STEAP2: variants seen among roughly 807,000 people sequenced by gnomAD.
The protein encoded by STEAP2 is metalloreductase STEAP2.
STEAP2 carries 30 observed loss-of-function variants against 46.4 expected under a neutral mutation model. The ratio of observed to expected loss-of-function variants is 0.65; its 90% confidence interval spans 0.48 to 0.88. The LOEUF is 0.88. Ranked by LOEUF, STEAP2 falls within the 40% of genes least tolerant of loss-of-function variation. STEAP2 has a pLI of 0.00. For synonymous variants in STEAP2, 180 were observed against 200.5 expected (o/e 0.90, Z 0.86); for missense variants, 513 against 579.3 (o/e 0.89, Z 1.18).
rs867555440 is a variant in STEAP2, at chr7:90,211,906, G to C, written c.-286G>C. 1 of 152,332 alleles carries C rather than the reference G, an allele frequency of 6.6e-6. No homozygotes were observed. Among genetic ancestry groups the C allele is most frequent in the Non-Finnish European group, 1.5e-5 (1 of 68,152 alleles). 9.4% of individuals were successfully genotyped at this position (152,332 alleles called of 1,614,324 possible). ...GAAGCAGCTGGAGTGCGACCGCCGC[G>C]GCAGCCACCCTGCAACCGCCAGTCG... On this transcript the variant is annotated 5_prime_UTR_variant, in exon 1 of 6. Coordinates refer to ENST00000394621, the MANE Select transcript of STEAP2 (RefSeq NM_001244944.2).
intron 2 of STEAP2, among the ~76,000 whole-genome samples, chr7:90,224,582 T>C (rs1177739619): frequency 6.6e-6 from 1 of 152,180 alleles, no homozygotes; most frequent in Non-Finnish European, 1.5e-5. Flanking sequence ...TTCTTTCCCA[T>C]GCAAAGCCAA....
At chr7:90,230,220 A>G (rs1795682290) in intron 5 of STEAP2, among the ~76,000 whole-genome samples, 184 bp downstream of exon 5, 1 of 152,024 alleles carries the variant, frequency 6.6e-6, no homozygotes, top group Non-Finnish European at 1.5e-5. Flanking sequence ...ACCAGTCAGT[A>G]TATGATTGTA....
At chr7:90,222,579 T>G (rs1334661330) in intron 2 of STEAP2, among the ~76,000 whole-genome samples, 1 of 152,162 alleles carries the variant, frequency 6.6e-6, no homozygotes, top group Non-Finnish European at 1.5e-5. Flanking sequence ...AGGTCTCAGT[T>G]TCCTCATCTA....
chr7:90,231,151 CATA>C (rs1219104373), intron 5 of STEAP2, among the ~76,000 whole-genome samples: 2 of 151,782 alleles, frequency 1.3e-5, no homozygotes, highest in South Asian at 2.1e-4. Flanking sequence ...CACTCTTAAA[CATA>C]ATAATTTAGC....
In STEAP2 at chr7:90,214,856, G is replaced by A. The variant is rs557354606; in HGVS notation, c.-146-1635G>A. On this transcript the variant is annotated intron_variant, in intron 1 of 5. Transcript: ENST00000394621. ...TTCAGGCAGTGAGTGACTGAGGTGG[G>A]GTAGAGGCAAAAATTCATTGTCTCC... is the stretch of plus-strand genomic sequence containing the variant. Among the ~76,000 whole-genome samples the A allele has an allele frequency of 3.9e-5, 6 of 152,208 alleles. No individual in the cohort carries two copies. The South Asian group carries it at 1.2e-3, about 32-fold the overall frequency.
intron 2 of STEAP2, among the ~76,000 whole-genome samples, chr7:90,217,166 A>C (rs148707841): frequency 2.6e-5 from 4 of 152,240 alleles, no homozygotes; most frequent in African/African-American, 9.6e-5. Flanking sequence ...TGGGGTACAC[A>C]TGAGTATTTG....
chr7:90,215,680 T>C (rs1228146766), intron 1 of STEAP2: 2 of 152,216 alleles, frequency 1.3e-5, no homozygotes, highest in Non-Finnish European at 2.9e-5. Context: ...ACAAAGGAAA[T>C]TGAGACTCAG....
At chr7:90,224,902 T>G in intron 2 of STEAP2, 148 bp from the exon 3 acceptor site, 2 of 630,872 alleles carry the variant, frequency 3.2e-6, no homozygotes, top group South Asian at 5.9e-5. Context: ...GTGATCCTTT[T>G]TTAGCTTACA....
intron 4 of STEAP2, among the ~76,000 whole-genome samples, chr7:90,228,984 T>A (rs1450218226): frequency 6.6e-6 from 1 of 152,216 alleles, no homozygotes; most frequent in African/African-American, 2.4e-5. Context: ...ATTTCAAGTA[T>A]GTTTTGTTAA....
At position 90,230,056 on chromosome 7, in the gene STEAP2, G is replaced by T; in HGVS notation, c.1185+20G>T. 6.2e-7 allele frequency: 1 copy of T among 1,608,470 alleles called. No individual in the cohort carries two copies. Among genetic ancestry groups the T allele is most frequent in the Middle Eastern group, 1.7e-4 (1 of 6,020 alleles). On this transcript the variant is annotated intron_variant, in intron 5 of 5. Transcript: ENST00000394621. ...ATTCAGGTATGTGGGGTTTTGTTTG[G>T]TGAAGGATTGTGCAGGATAGGATTT...
chr7:90,229,958 C>T lies in STEAP2; in HGVS notation c.1107C>T (p.Gly369=). The T allele has an allele frequency of 6.2e-7, 1 of 1,613,630 alleles. No individual in the cohort carries two copies. Among genetic ancestry groups the T allele is most frequent in the Non-Finnish European group, 8.5e-7 (1 of 1,179,624 alleles). The part of the protein sequence containing the change: ...MYISFGIMSL[G]LLSLLAVTSI... The stretch of plus-strand genomic sequence containing the variant: ...TCTCCTTTGGCATAATGAGCCTTGG[C>T]TTACTTTCCCTCCTGGCAGTCACTT... Residue 369 remains glycine (G), a synonymous_variant, in exon 5 of 6, where the codon GGC becomes GGT. Transcript: ENST00000394621.
chr7:90,225,300 T>A lies in STEAP2; in HGVS notation c.218T>A (p.Val73Glu). ...PKFASEFFPH[V>E]VDVTHHEDAL... ...TTTGCTTCTGAATTTTTTCCTCATG[T>A]GGTAGATGTCACTCATCATGAAGAT... The change falls in exon 3 of 6, where the codon GTG becomes GAG. Residue 73 changes from valine (V) to glutamate (E), a missense_variant. Physicochemically the swap from Val to Glu is moderately radical, Grantham distance 121. Transcript: ENST00000394621. The A allele has an allele frequency of 6.2e-7, 1 of 1,614,040 alleles. No individual in the cohort carries two copies. The highest frequency in any genetic ancestry group is 8.5e-7 in the Non-Finnish European group (1 of 1,179,968).
At chr7:90,217,919 C>T (rs533672821) in intron 2 of STEAP2, among the ~76,000 whole-genome samples, 3 of 152,230 alleles carry the variant, frequency 2.0e-5, no homozygotes, top group African/African-American at 4.8e-5. Flanking sequence ...TTCTCTGAAT[C>T]GTTGTCAGCA....
rs376876876 is a variant in STEAP2, at chr7:90,229,832, T to C, written c.1021-40T>C. ...AACTCTGTGCTGAATCAGTTAATGT[T>C]CTACTAAATAAAGGAAATTCACATT... On this transcript the variant is annotated intron_variant, in intron 4 of 5. Transcript: ENST00000394621. The C allele has an allele frequency of 2.5e-6, 4 of 1,599,486 alleles. No homozygotes were observed. The African/African-American group carries it at 4.0e-5, about 16-fold the overall frequency.
In STEAP2 at chr7:90,233,887, T is replaced by C. The variant is rs1180085196; in HGVS notation, c.*1263T>C. 1 of 984,212 alleles carries C rather than the reference T, an allele frequency of 1.0e-6. No homozygotes were observed. The highest frequency in any genetic ancestry group is 1.2e-6 in the Non-Finnish European group (1 of 828,874). The allele number at this position is 984,212 out of a possible 1,614,324, so 61.0% of individuals were successfully genotyped here. ...GTGCATCCAAAAATGTATAAAAATA[T>C]TATTATAATAAACTTATTACTGCTT... On this transcript the variant is annotated 3_prime_UTR_variant, in exon 6 of 6. Transcript: ENST00000394621.
Position 90,236,839 on chromosome 7 carries a change from A to T in STEAP2, c.*4215A>T. 1.2e-5 allele frequency: 19 copies of T among 1,609,740 alleles called. No homozygotes were observed. The highest frequency in any genetic ancestry group is 2.7e-5 in the African/African-American group (2 of 74,802). Reference sequence around the variant, plus strand: ...TCACAAAAGCAGATGCTTTTGTATGATCTCCAAATTGCCAACTTTAAGGAA... The same window carrying T: ...TCACAAAAGCAGATGCTTTTGTATGTTCTCCAAATTGCCAACTTTAAGGAA... On this transcript the variant is annotated 3_prime_UTR_variant, in exon 6 of 6. Transcript: ENST00000394621.
At chr7:90,231,218 G>T (rs938701054) in intron 5 of STEAP2, among the ~76,000 whole-genome samples, 16 of 151,766 alleles carry the variant, frequency 1.1e-4, no homozygotes, top group African/African-American at 3.9e-4. Context: ...CCTAACTGAA[G>T]TATTCTTAAT....
chr7:90,232,589 C>T lies in STEAP2; in HGVS notation c.1438C>T (p.Pro480Ser), dbSNP rs142681801. The change falls in exon 6 of 6, where the codon CCT becomes TCT. Residue 480 changes from proline to serine, a missense_variant. Pro to Ser is a moderately conservative substitution (Grantham distance 74, BLOSUM62 -1). Transcript: ENST00000394621. The part of the protein sequence containing the change: ...FLEEGMGGTI[P>S]HVSPERVTVM ...GGAAGAAGGTATGGGAGGAACAATT[C>T]CTCATGTCTCCCCGGAGAGGGTCAC... is the stretch of plus-strand genomic sequence containing the variant. 2 of 1,612,592 alleles carry T rather than the reference C, an allele frequency of 1.2e-6. No homozygotes were observed. The highest frequency in any genetic ancestry group is 1.7e-6 in the Non-Finnish European group (2 of 1,179,098).
chr7:90,232,481 C>T lies in STEAP2; in HGVS notation c.1330C>T (p.Leu444=). 1 of 1,613,676 alleles carries T rather than the reference C, an allele frequency of 6.2e-7. No individual in the cohort carries two copies. The highest frequency in any genetic ancestry group is 8.5e-7 in the Non-Finnish European group (1 of 1,179,698). The part of the protein sequence containing the change: ...LALVLPSIVI[L]GKIILFLPCI... ...TCTTGTTTTGCCCTCAATTGTAATTCTGGGTAAGATTATTTTATTCCTTCC... is the reference window on the plus strand; with the variant it reads ...TCTTGTTTTGCCCTCAATTGTAATTTTGGGTAAGATTATTTTATTCCTTCC... Residue 444 remains leucine, a synonymous_variant, in exon 6 of 6, where the codon CTG becomes TTG. Coordinates refer to ENST00000394621, the MANE Select transcript of STEAP2 (RefSeq NM_001244944.2).
Sources: gnomAD v4.1 joint callset for allele counts (sites outside exome capture counted in the v4.1 genomes callset) on GRCh38, gnomAD v4.1.1 for gene constraint, MANE v1.5 for transcripts, NCBI Gene and HGNC (gene_info 2026-07-23, HGNC 2026-07-21) for gene names.